TENM2: variants seen among roughly 807,000 people sequenced by gnomAD.
TENM2 encodes the protein teneurin transmembrane protein 2, also known as teneurin-2.
A neutral mutation model predicts 245.2 loss-of-function variants in TENM2; 52 were observed. The observed-to-expected ratio is 0.21, with a 90% confidence interval of 0.17 to 0.27. TENM2 has a LOEUF of 0.27. TENM2 is among the 10% of genes least tolerant of loss of function. TENM2 has a pLI of 1.00. For missense variants in TENM2, 3,046 were observed against 3,666.8 expected (o/e 0.83, Z 4.37); for synonymous variants, 1,363 against 1,438.9 (o/e 0.95, Z 1.19).
intron 2 of TENM2, among the ~76,000 whole-genome samples, chr5:167,676,931 C>T (rs1460834276): frequency 1.3e-5 from 2 of 152,150 alleles, no homozygotes. Flanking sequence ...GGACAGTGCA[C>T]CTGAAAATGA....
chr5:167,749,584 G>A (rs1250739634), intron 2 of TENM2, among the ~76,000 whole-genome samples: 1 of 151,502 alleles, frequency 6.6e-6, no homozygotes, highest in Non-Finnish European at 1.5e-5. Context: ...GTTGCAGTGA[G>A]CCAAGATCAT....
At chr5:167,049,378 T>G in the TENM2 span, among the ~76,000 whole-genome samples, 3 of 152,214 alleles carry the variant, frequency 2.0e-5, no homozygotes, top group African/African-American at 7.2e-5. Flanking sequence ...TAAAATTTAT[T>G]TTTTTAAAAG....
chr5:167,547,134 G>A (rs1243051368), intron 2 of TENM2, among the ~76,000 whole-genome samples: 1 of 152,180 alleles, frequency 6.6e-6, no homozygotes, highest in Non-Finnish European at 1.5e-5. Flanking sequence ...TGTCCAGGCT[G>A]GAGTGTAATG....
intron 3 of TENM2, among the ~76,000 whole-genome samples, chr5:167,893,916 T>C (rs1161902727): frequency 2.0e-5 from 3 of 152,124 alleles, no homozygotes; most frequent in African/African-American, 7.2e-5. Context: ...TACGGTAAAA[T>C]CATGCATTTT....
chr5:168,194,334 G>A (rs140918897), intron 14 of TENM2, among the ~76,000 whole-genome samples: 97 of 152,268 alleles, frequency 6.4e-4, no homozygotes, highest in African/African-American at 2.2e-3. Flanking sequence ...GCACAATATT[G>A]TAGCATCTCT....
In TENM2 at chr5:168,218,404, A is replaced by G; in HGVS notation, c.4513A>G (p.Thr1505Ala). ...GAAGATTAACCGTCTACGCCAGGTAACAACCAACGGGGAGATCTGCCTTTT... is the reference window on the plus strand; with the variant it reads ...GAAGATTAACCGTCTACGCCAGGTAGCAACCAACGGGGAGATCTGCCTTTT... The change falls in exon 23 of 29, where the codon ACA (threonine) becomes GCA (alanine). Residue 1505 changes from threonine to alanine, a missense_variant. Physicochemically the swap from Thr to Ala is moderately conservative, Grantham distance 58. Transcript: ENST00000518659. This position sits in a 1 kb window ranked among gnomAD's most constrained non-coding sequence, Gnocchi z 5.2. 6.2e-7 allele frequency: 1 copy of G among 1,614,064 alleles called. No homozygotes were observed. Among genetic ancestry groups the G allele is most frequent in the Non-Finnish European group, 8.5e-7 (1 of 1,179,908 alleles).
intron 2 of TENM2, among the ~76,000 whole-genome samples, chr5:167,391,831 G>A (rs1761778500): frequency 6.6e-6 from 1 of 151,972 alleles, no homozygotes; most frequent in African/African-American, 2.4e-5. Flanking sequence ...AAAAAGATCT[G>A]GACTGGAGAT....
intron 2 of TENM2, among the ~76,000 whole-genome samples, chr5:167,420,422 G>A (rs1763434289): frequency 6.6e-6 from 1 of 151,982 alleles, no homozygotes; most frequent in Admixed American, 6.6e-5. Flanking sequence ...GAGTGGAGTG[G>A]GCTTTACACC....
intron 1 of TENM2, among the ~76,000 whole-genome samples, chr5:167,362,202 C>T (rs778580278): frequency 1.3e-5 from 2 of 152,190 alleles, no homozygotes; most frequent in Non-Finnish European, 2.9e-5. Flanking sequence ...CAATTATCCT[C>T]TCCCTGCTTA....
intron 2 of TENM2, among the ~76,000 whole-genome samples, chr5:167,742,482 G>A (rs1052228821): frequency 7.9e-5 from 12 of 151,726 alleles, no homozygotes; most frequent in African/African-American, 2.9e-4. Context: ...TTTTCTTGCT[G>A]TGTATATGTC....
At chr5:167,736,238 C>T (rs547566461) in intron 2 of TENM2, among the ~76,000 whole-genome samples, 8 of 152,180 alleles carry the variant, frequency 5.3e-5, no homozygotes, top group Non-Finnish European at 5.9e-5. Context: ...CACTCACTAT[C>T]GCAAGAACAG....
At chr5:167,880,872 C>T (rs1287440205) in intron 3 of TENM2, among the ~76,000 whole-genome samples, 3 of 152,168 alleles carry the variant, frequency 2.0e-5, no homozygotes, top group African/African-American at 7.2e-5. Context: ...AATGTCATTG[C>T]TCATAACTGA....
At chr5:167,429,607 C>CTTTTTTT (rs10587909) in intron 2 of TENM2, among the ~76,000 whole-genome samples, 1 of 78,704 alleles carries the variant, frequency 1.3e-5, no homozygotes, top group Non-Finnish European at 2.4e-5. Flanking sequence ...CTCTCTCTCT[C>CTTTTTTT]TTTTTTTTTT....
At chr5:167,126,996 A>G in the TENM2 span, among the ~76,000 whole-genome samples, 4 of 151,766 alleles carry the variant, frequency 2.6e-5, no homozygotes, top group African/African-American at 4.8e-5. Context: ...ATAGAAGTGA[A>G]TTCACAGGTG....
At chr5:167,879,582 G>A (rs1209747688) in intron 3 of TENM2, among the ~76,000 whole-genome samples, 1 of 152,208 alleles carries the variant, frequency 6.6e-6, no homozygotes, top group Non-Finnish European at 1.5e-5. Flanking sequence ...AGGGTTTGCA[G>A]TTTGCTCTCA....
At chr5:167,222,155 G>A in the TENM2 span, among the ~76,000 whole-genome samples, 1 of 152,154 alleles carries the variant, frequency 6.6e-6, no homozygotes, top group Non-Finnish European at 1.5e-5. Context: ...GCATCTCAAA[G>A]CACGTGCCTT....
intron 12 of TENM2, among the ~76,000 whole-genome samples, chr5:168,148,648 T>C (rs1011612790): frequency 4.6e-5 from 7 of 152,000 alleles, no homozygotes; most frequent in Non-Finnish European, 1.0e-4. Flanking sequence ...GCAGGGGAAA[T>C]ACCATGCCAG....
chr5:167,589,110 G>A (rs1017097225), intron 2 of TENM2, among the ~76,000 whole-genome samples: 1 of 151,558 alleles, frequency 6.6e-6, no homozygotes, highest in South Asian at 2.1e-4. Flanking sequence ...GCTGAGGCAT[G>A]AGAATCACTT....
chr5:168,102,521 T>C (rs749088877), intron 9 of TENM2, among the ~76,000 whole-genome samples: 2 of 152,336 alleles, frequency 1.3e-5, no homozygotes, highest in East Asian at 3.9e-4. Flanking sequence ...CTTACACACT[T>C]ATTTCACATC....
Sources: allele counts gnomAD v4.1 joint callset (sites outside exome capture counted in the v4.1 genomes callset), GRCh38; gene constraint gnomAD v4.1.1; non-coding constraint Gnocchi (gnomAD v3.1); transcripts MANE v1.5; gene names NCBI Gene and HGNC (gene_info 2026-07-23, HGNC 2026-07-21).